Variants in TAF4B observed in about 807,000 individuals in gnomAD.
TAF4B encodes transcription initiation factor TFIID subunit 4B.
TAF4B carries 38 observed loss-of-function variants against 86.4 expected under a neutral mutation model. The ratio of observed to expected loss-of-function variants is 0.44; its 90% confidence interval spans 0.34 to 0.58. The LOEUF (loss-of-function observed/expected upper bound fraction) is 0.58, where lower values mean the gene tolerates loss of function less well. Ranked by LOEUF, TAF4B falls within the 20% of genes least tolerant of loss-of-function variation. The pLI is 0.02. For missense variants in TAF4B, 988 were observed against 1,027.6 expected (o/e 0.96, Z 0.53); for synonymous variants, 388 against 391.2 (o/e 0.99, Z 0.10).
At chr18:26,231,486 A>G (rs909893799) in intron 1 of TAF4B, among the ~76,000 whole-genome samples, 1 of 151,020 alleles carries the variant, frequency 6.6e-6, no homozygotes, top group Non-Finnish European at 1.5e-5. Flanking sequence ...CAAGTAGCTG[A>G]GATTACAGGT....
At chr18:26,249,061 A>C (rs754248286) in intron 1 of TAF4B, among the ~76,000 whole-genome samples, 12 of 151,034 alleles carry the variant, frequency 7.9e-5, no homozygotes, top group Non-Finnish European at 1.6e-4. Context: ...AATCCCAGCT[A>C]CTCTGGAGGC....
Position 26,321,072 on chromosome 18 carries a change from A to G in TAF4B, c.2005A>G (p.Lys669Glu), listed in dbSNP as rs377365366. 6.2e-7 allele frequency: 1 copy of G among 1,613,620 alleles called. No individual in the cohort carries two copies. Among genetic ancestry groups the G allele is most frequent in the Non-Finnish European group, 8.5e-7 (1 of 1,179,654 alleles). Residue 669 changes from lysine (K) to glutamate (E), a missense_variant and splice_region_variant, in exon 11 of 15, where the codon AAA becomes GAA. Lys to Glu is a moderately conservative substitution (Grantham distance 56, BLOSUM62 1). This residue lies in a region of TAF4B where 216 missense variants were observed against 238.4 expected (regional missense o/e 0.91). Coordinates refer to ENST00000269142, the MANE Select transcript of TAF4B (RefSeq NM_005640.3). ...ATGGATTTTCTCTGCTTCTGCAGGT[A>G]AAAAGCATGACATTACAGAACTTAA... ...ALQKRILDIG[K>E]KHDITELNSD... is the part of the protein sequence containing the mutation.
At position 26,385,692 on chromosome 18, in the gene TAF4B, TTTC is replaced by T. The variant is rs1270301751; in HGVS notation, c.2422-4132_2422-4130del. Among the ~76,000 whole-genome samples the T allele has an allele frequency of 7.3e-4, 106 of 145,148 alleles. 2 individuals carry two copies. The highest frequency in any genetic ancestry group is 3.5e-3 in the Middle Eastern group (1 of 284). ...AGAATAAACAGCGTTTTTTTTTTTT[TTTC>T]TTCTTCTTCTTCTTCTTCTTGCAAA... is the stretch of plus-strand genomic sequence containing the variant. On this transcript the variant is annotated intron_variant, in intron 14 of 14. Transcript: ENST00000269142.
chr18:26,316,289 A>G (rs1421658799), intron 10 of TAF4B, among the ~76,000 whole-genome samples: 1 of 152,158 alleles, frequency 6.6e-6, no homozygotes, highest in African/African-American at 2.4e-5. Context: ...TACAAAGTTC[A>G]TTATTATTAC....
intron 9 of TAF4B, among the ~76,000 whole-genome samples, chr18:26,314,704 A>G (rs2056884415): frequency 1.3e-5 from 2 of 152,334 alleles, no homozygotes; most frequent in African/African-American, 4.8e-5. Context: ...TCAGGACCAG[A>G]TAATTTCTGC....
chr18:26,294,051 A>G (rs1171052936), intron 9 of TAF4B, among the ~76,000 whole-genome samples: 1 of 152,110 alleles, frequency 6.6e-6, no homozygotes, highest in Admixed American at 6.5e-5. Context: ...CTATTGATGG[A>G]CATTTGGGTG....
At chr18:26,339,615 CTG>C (rs10590777) in intron 13 of TAF4B, among the ~76,000 whole-genome samples, 10,468 of 152,254 alleles carry the variant, frequency 0.069, 1,123 homozygotes, top group African/African-American at 0.23. Context: ...GAGTGAGACA[CTG>C]TGGCCCGCTG....
intron 5 of TAF4B, among the ~76,000 whole-genome samples, chr18:26,280,756 C>T (rs1402595138): frequency 1.3e-5 from 2 of 152,112 alleles, no homozygotes; most frequent in African/African-American, 2.4e-5. Context: ...TCTTAAAGAA[C>T]TAAAAATAGA....
At chr18:26,355,354 A>T (rs967416277) in intron 13 of TAF4B, among the ~76,000 whole-genome samples, 1 of 152,158 alleles carries the variant, frequency 6.6e-6, no homozygotes, top group Admixed American at 6.5e-5. Context: ...GCAAGCCTCT[A>T]ACTCAGTGGC....
At chr18:26,287,651 T>C (rs988356811) in intron 7 of TAF4B, among the ~76,000 whole-genome samples, 1 of 152,238 alleles carries the variant, frequency 6.6e-6, no homozygotes, top group Non-Finnish European at 1.5e-5. Context: ...TGCTGTTCTT[T>C]TGGTGAATGT....
chr18:26,330,844 TTA>T (rs2144691221), intron 12 of TAF4B, among the ~76,000 whole-genome samples: 1 of 152,286 alleles, frequency 6.6e-6, no homozygotes, highest in Non-Finnish European at 1.5e-5. Context: ...TATCAGTTAT[TTA>T]ATCAATGTAA....
intron 14 of TAF4B, among the ~76,000 whole-genome samples, chr18:26,370,532 T>C (rs1019862650): frequency 5.9e-5 from 9 of 152,304 alleles, no homozygotes; most frequent in African/African-American, 1.9e-4. Flanking sequence ...CTTAAGGAAG[T>C]TGCCTTACAT....
At chr18:26,378,811 T>A (rs1046787153) in intron 14 of TAF4B, among the ~76,000 whole-genome samples, 4 of 152,150 alleles carry the variant, frequency 2.6e-5, no homozygotes, top group African/African-American at 9.7e-5. Context: ...GATAATGTAG[T>A]CTTGTTTCTG....
chr18:26,359,060 T>A (rs1324629992), intron 14 of TAF4B, among the ~76,000 whole-genome samples: 2 of 152,210 alleles, frequency 1.3e-5, no homozygotes, highest in South Asian at 2.1e-4. Context: ...CCAGGATATA[T>A]GTGGGCACAT....
At position 26,281,965 on chromosome 18, in the gene TAF4B, C is replaced by T; in HGVS notation, c.883-6C>T. On this transcript the variant is annotated splice_polypyrimidine_tract_variant and splice_region_variant and intron_variant, in intron 5 of 14. Coordinates refer to ENST00000269142, the MANE Select transcript of TAF4B (RefSeq NM_005640.3). ...TAAAATTGTTTCTATTTCTCCCATC[C>T]CTCAGGATGCAAAAATCGAAGCAGA... is the stretch of plus-strand genomic sequence containing the variant. 1.2e-6 allele frequency: 2 copies of T among 1,605,288 alleles called. No individual in the cohort carries two copies. The highest frequency in any genetic ancestry group is 1.7e-6 in the Non-Finnish European group (2 of 1,173,476).
At chr18:26,273,050 C>T (rs2056340875) in intron 3 of TAF4B, among the ~76,000 whole-genome samples, 1 of 151,850 alleles carries the variant, frequency 6.6e-6, no homozygotes, top group South Asian at 2.1e-4. Context: ...TTTTATTATC[C>T]TTATTCAATA....
chr18:26,330,472 C>T (rs879057559), intron 12 of TAF4B, among the ~76,000 whole-genome samples: 2 of 152,140 alleles, frequency 1.3e-5, no homozygotes, highest in Non-Finnish European at 2.9e-5. Flanking sequence ...AGCCATTTCT[C>T]TAAGAAGCCT....
chr18:26,293,632 T>G (rs1598767777), intron 9 of TAF4B, 101 bp downstream of exon 9: 2 of 649,894 alleles, frequency 3.1e-6, no homozygotes, highest in East Asian at 6.3e-5. Flanking sequence ...TACTGATGCC[T>G]TTTTACAAAG....
chr18:26,291,068 A>G (rs2056586494), intron 7 of TAF4B, among the ~76,000 whole-genome samples: 1 of 152,332 alleles, frequency 6.6e-6, no homozygotes, highest in South Asian at 2.1e-4. Flanking sequence ...AGGATTACTT[A>G]CCAGGAATGT....
Sources: allele counts gnomAD v4.1 joint callset (sites outside exome capture counted in the v4.1 genomes callset), GRCh38; gene constraint gnomAD v4.1.1; regional missense constraint gnomAD v4.1.1; transcripts MANE v1.5; gene names NCBI Gene and HGNC (gene_info 2026-07-23, HGNC 2026-07-21).